EXO1: variants seen among roughly 807,000 people sequenced by gnomAD.
The protein encoded by EXO1 is exonuclease 1.
In EXO1, 69 loss-of-function variants were observed where a neutral mutation model predicts 84.5. The ratio of observed to expected loss-of-function variants is 0.82; its 90% confidence interval spans 0.67 to 1.00. The LOEUF is 1.00. Ranked by LOEUF, EXO1 falls within the 50% of genes least tolerant of loss-of-function variation. The pLI is 0.00. For missense variants in EXO1, 1,045 were observed against 1,000.7 expected, an observed-to-expected ratio of 1.04 and a Z score of -0.60; for synonymous variants, 373 against 366.1, an observed-to-expected ratio of 1.02 and a Z score of -0.21.
chr1:241,875,224 G>A (rs59028444), intron 12 of EXO1, among the ~76,000 whole-genome samples: 6 of 152,084 alleles, frequency 3.9e-5, no homozygotes, highest in Non-Finnish European at 7.4e-5. Context: ...GGCTGGTGTC[G>A]AACTCCTGAC....
chr1:241,853,574 T>C lies in EXO1; in HGVS notation c.405+93T>C, dbSNP rs192239018. 5.2e-4 allele frequency: 732 copies of C among 1,404,228 alleles called. 5 individuals are homozygous for C. The African/African-American group carries it at 9.6e-3, about 18-fold the overall frequency. The allele number at this position is 1,404,228 out of a possible 1,614,324, so 87.0% of individuals were successfully genotyped here. A position where few individuals can be genotyped will look rare whatever the true frequency, so the allele number is the denominator to read the frequency against. The stretch of plus-strand genomic sequence containing the variant: ...AAGAAAATCAAGGGTGGAAAATTGT[T>C]CTAGGCCTAACCTCAAGTAAAGGGC... On this transcript the variant is annotated intron_variant, in intron 6 of 15. Transcript: ENST00000366548.
At chr1:241,880,230 T>A (rs1181451403) in intron 13 of EXO1, among the ~76,000 whole-genome samples, 1 of 152,204 alleles carries the variant, frequency 6.6e-6, no homozygotes, top group Non-Finnish European at 1.5e-5. Flanking sequence ...GTCTTTTTCA[T>A]TTCTGCTTCA....
chr1:241,885,595 G>C (rs186883928), intron 15 of EXO1, 88 bp downstream of exon 15: 316 of 1,025,540 alleles, frequency 3.1e-4, no homozygotes, highest in Middle Eastern at 5.2e-4. Flanking sequence ...TCCTAGTTTC[G>C]TATGAGTTTT....
intron 5 of EXO1, among the ~76,000 whole-genome samples, chr1:241,852,900 G>A (rs1353811861): frequency 1.3e-5 from 2 of 152,100 alleles, no homozygotes; most frequent in East Asian, 1.9e-4. Context: ...CAAGTGATCT[G>A]CCCGCCTCAG....
chr1:241,864,061 T>G (rs1776139), intron 10 of EXO1, among the ~76,000 whole-genome samples: 68,540 of 152,024 alleles, frequency 0.45, 15,684 homozygotes, highest in East Asian at 0.7. Flanking sequence ...CTGTGTACCT[T>G]TTTCCTGTGT....
intron 9 of EXO1, 58 bp from the exon 10 acceptor site, chr1:241,861,348 A>G (rs1337991436): frequency 1.5e-5 from 13 of 876,018 alleles, no homozygotes; most frequent in Admixed American, 5.1e-5. Context: ...CCATCTTAGT[A>G]TAATATCATT....
intron 14 of EXO1, 148 bp downstream of exon 14, chr1:241,882,165 G>A (rs1360901247): frequency 5.1e-6 from 3 of 584,800 alleles, no homozygotes; most frequent in South Asian, 2.2e-5. Flanking sequence ...ATGCTTGACT[G>A]TAGGTGTTTA....
intron 5 of EXO1, 25 bp downstream of exon 5, chr1:241,852,436 C>G (rs756996694): frequency 2.5e-6 from 4 of 1,589,972 alleles, no homozygotes; most frequent in Admixed American, 1.7e-5. Flanking sequence ...TACTTAATCT[C>G]TAACTTCATT....
intron 11 of EXO1, among the ~76,000 whole-genome samples, chr1:241,871,755 T>C (rs886204900): frequency 7.9e-5 from 12 of 152,146 alleles, no homozygotes; most frequent in African/African-American, 2.9e-4. Context: ...CCACACAGGA[T>C]TGATTGTGCT....
intron 9 of EXO1, 139 bp from the exon 10 acceptor site, chr1:241,861,267 G>T (rs751006921): frequency 9.1e-6 from 6 of 659,558 alleles, no homozygotes; most frequent in Non-Finnish European, 1.6e-5. Flanking sequence ...CAGTAATGCT[G>T]ATGTATAAAG....
In EXO1 at chr1:241,858,526, G is replaced by C. The variant is rs765827132; in HGVS notation, c.564G>C (p.Gln188His). 1.2e-6 allele frequency: 2 copies of C among 1,613,970 alleles called. No homozygotes were observed. The highest frequency in any genetic ancestry group is 2.2e-5 in the South Asian group (2 of 91,084). ...GCKKVILKMD[Q>H]FGNGLEIDQA... ...TGAAGGTAATTTTAAAGATGGACCAGTTTGGAAATGGACTTGAAATTGATC... is the reference window on the plus strand; with the variant it reads ...TGAAGGTAATTTTAAAGATGGACCACTTTGGAAATGGACTTGAAATTGATC... The change falls in exon 8 of 16, where the codon CAG becomes CAC. Residue 188 changes from glutamine to histidine, a missense_variant. Gln to His is a conservative substitution (Grantham distance 24, BLOSUM62 0). Coordinates refer to ENST00000366548, the MANE Select transcript of EXO1 (RefSeq NM_130398.4).
chr1:241,879,764 G>T (rs1435694143), intron 13 of EXO1, among the ~76,000 whole-genome samples: 12 of 152,250 alleles, frequency 7.9e-5, no homozygotes, highest in Middle Eastern at 6.8e-3. Flanking sequence ...CAGCACTTTG[G>T]GAGGCCGAGG....
Position 241,848,805 on chromosome 1 carries a change from T to A in EXO1, c.-345T>A, listed in dbSNP as rs1574124882. ...ATCTCCGCGAGACAGAGGGATAAAGTGAAGATGGTGCTGTTATTGTTACCT... is the reference window on the plus strand; with the variant it reads ...ATCTCCGCGAGACAGAGGGATAAAGAGAAGATGGTGCTGTTATTGTTACCT... On this transcript the variant is annotated 5_prime_UTR_variant, in exon 2 of 16. Transcript: ENST00000366548. This position sits in a 1 kb window ranked among gnomAD's most constrained non-coding sequence, Gnocchi z 4.2. 1 of 152,128 alleles carries A rather than the reference T, an allele frequency of 6.6e-6. No individual in the cohort carries two copies. The highest frequency in any genetic ancestry group is 6.6e-5 in the Admixed American group (1 of 15,256). 9.4% of individuals were successfully genotyped at this position (152,128 alleles called of 1,614,324 possible).
Position 241,878,813 on chromosome 1 carries a change from G to A in EXO1, c.1579G>A (p.Glu527Lys), listed in dbSNP as rs1369691734. The change falls in exon 13 of 16, where the codon GAA becomes AAA. Residue 527 changes from glutamate to lysine, a missense_variant. Glu to Lys is a moderately conservative substitution (Grantham distance 56). Transcript: ENST00000366548. The part of the protein sequence containing the change: ...SNKVSIQPLD[E>K]TAVTDKENNL... ...CAAAGTGAGCATCCAGCCTCTGGAT[G>A]AAACTGCTGTCACAGATAAAGAGAA... is the stretch of plus-strand genomic sequence containing the variant. The A allele has an allele frequency of 6.2e-7, 1 of 1,613,800 alleles. No individual in the cohort carries two copies. The highest frequency in any genetic ancestry group is 8.5e-7 in the Non-Finnish European group (1 of 1,179,760).
At chr1:241,882,736 A>G (rs185075810) in intron 14 of EXO1, among the ~76,000 whole-genome samples, 185 of 152,322 alleles carry the variant, frequency 1.2e-3, no homozygotes, top group African/African-American at 4.2e-3. Flanking sequence ...GTTTAACCTC[A>G]TTAGTAATCA....
At position 241,885,356 on chromosome 1, in the gene EXO1, A is replaced by C; in HGVS notation, c.2254A>C (p.Thr752Pro). 6.2e-7 allele frequency: 1 copy of C among 1,613,988 alleles called. No individual in the cohort carries two copies. Among genetic ancestry groups the C allele is most frequent in the Non-Finnish European group, 8.5e-7 (1 of 1,179,944 alleles). ...GTCCAGTTCTGCAGACTCTCTTTCTACAACCAAGATCAAACCTCTAGGACC... is the reference window on the plus strand; with the variant it reads ...GTCCAGTTCTGCAGACTCTCTTTCTCCAACCAAGATCAAACCTCTAGGACC... ...YKSSSADSLS[T>P]TKIKPLGPAR... is the part of the protein sequence containing the mutation. The change falls in exon 15 of 16, where the codon ACA (threonine) becomes CCA (proline). Residue 752 changes from threonine (T) to proline (P), a missense_variant. By Grantham distance (38) the Thr-to-Pro change is conservative. Transcript: ENST00000366548.
chr1:241,883,651 G>A (rs1355205757), intron 14 of EXO1, among the ~76,000 whole-genome samples: 2 of 152,082 alleles, frequency 1.3e-5, no homozygotes, highest in Non-Finnish European at 2.9e-5. Flanking sequence ...TTAAATTTTT[G>A]AGCAAGAAGT....
intron 13 of EXO1, among the ~76,000 whole-genome samples, chr1:241,880,018 GA>G (rs934356224): frequency 2.1e-5 from 3 of 145,584 alleles, no homozygotes; most frequent in East Asian, 2.0e-4. Flanking sequence ...AAAAAAAAAA[GA>G]AAAAAAAAGA....
intron 11 of EXO1, among the ~76,000 whole-genome samples, chr1:241,869,779 C>T (rs1661981382): frequency 3.5e-5 from 1 of 28,288 alleles, no homozygotes; most frequent in African/African-American, 1.4e-4. Context: ...TCCCTCCCTC[C>T]TTCCTTCCTT....
Sources: allele counts gnomAD v4.1 joint callset (sites outside exome capture counted in the v4.1 genomes callset), GRCh38; gene constraint gnomAD v4.1.1; non-coding constraint Gnocchi (gnomAD v3.1); transcripts MANE v1.5; gene names NCBI Gene and HGNC (gene_info 2026-07-23, HGNC 2026-07-21).